The following PSMA5 variants were observed in gnomAD, a reference collection of about 807,000 sequenced individuals.
PSMA5 encodes the protein proteasome subunit alpha type-5.
In PSMA5, 3 loss-of-function variants were observed where a neutral mutation model predicts 34.5. That is an observed-to-expected ratio of 0.09 (90% CI 0.04 to 0.22). The LOEUF is 0.22. PSMA5 is among the 10% of genes least tolerant of loss of function. PSMA5 has a pLI of 1.00. For missense variants in PSMA5, 120 were observed against 286.1 expected, an observed-to-expected ratio of 0.42 and a Z score of 4.19; for synonymous variants, 88 against 95.8, an observed-to-expected ratio of 0.92 and a Z score of 0.47.
rs1653552451 is a variant in PSMA5 at position 109,402,030 on chromosome 1, C to A, written c.709G>T (p.Val237Phe). The A allele has an allele frequency of 6.2e-7, 1 of 1,611,170 alleles. No individual in the cohort carries two copies. Among genetic ancestry groups the A allele is most frequent in the Non-Finnish European group, 8.5e-7 (1 of 1,178,110 alleles). ...HMFTKEELEE[V>F]IKDI is the part of the protein sequence containing the mutation. Reference sequence around the variant, plus strand: ...AGGATTCCTTAAATGTCCTTGATAACCTCTTCAAGTTCTTCCTTTGTGAAC... The same window carrying A: ...AGGATTCCTTAAATGTCCTTGATAAACTCTTCAAGTTCTTCCTTTGTGAAC... Residue 237 changes from valine (V) to phenylalanine (F), a missense_variant, in exon 9 of 9, where the codon GTT (valine) becomes TTT (phenylalanine). Around this residue, in one of 3 missense-constraint regions of PSMA5, gnomAD observed 83 missense variants for 203.2 expected, o/e 0.41. Coordinates refer to ENST00000271308, the MANE Select transcript of PSMA5 (RefSeq NM_002790.4).
At chr1:109,424,849 T>C (rs2100977801) in intron 1 of PSMA5, among the ~76,000 whole-genome samples, 1 of 151,750 alleles carries the variant, frequency 6.6e-6, no homozygotes, top group Non-Finnish European at 1.5e-5. Flanking sequence ...TAGCTGGGAG[T>C]GGTGGCGCGC....
At chr1:109,412,405 GA>G (rs1480633551) in intron 4 of PSMA5, 3 of 463,516 alleles carry the variant, frequency 6.5e-6, no homozygotes. Context: ...ACGGACAAGA[GA>G]ATTACTGCCT....
intron 1 of PSMA5, 161 bp downstream of exon 1, chr1:109,426,140 TG>T: frequency 1.1e-6 from 1 of 900,726 alleles, no homozygotes; most frequent in Non-Finnish European, 1.8e-6. Flanking sequence ...TGGTCTAGCT[TG>T]GGGAAGGACG....
chr1:109,426,442 A>G lies in PSMA5; in HGVS notation c.-112T>C, dbSNP rs992545450. ...CACCCACACGGCCGCAGTACTAAGG[A>G]CCAACTGCGCGTGCGACCGCGACCT... On this transcript the variant is annotated 5_prime_UTR_variant, in exon 1 of 9. Coordinates refer to ENST00000271308, the MANE Select transcript of PSMA5 (RefSeq NM_002790.4). The G allele has an allele frequency of 9.5e-6, 13 of 1,374,354 alleles. No homozygotes were observed. In the African/African-American group the frequency reaches 1.1e-4, roughly 12 times the overall value. 85.1% of individuals were successfully genotyped at this position (1,374,354 alleles called of 1,614,324 possible). A position where few individuals can be genotyped will look rare whatever the true frequency, so the allele number is the denominator to read the frequency against.
intron 7 of PSMA5, 96 bp downstream of exon 7, chr1:109,410,915 C>G: frequency 1.1e-6 from 1 of 926,812 alleles, no homozygotes; most frequent in South Asian, 1.6e-5. Flanking sequence ...TTGCAATTGT[C>G]AAAACAGAAC....
chr1:109,422,565 T>C (rs912273404), intron 1 of PSMA5, among the ~76,000 whole-genome samples: 2 of 150,848 alleles, frequency 1.3e-5, no homozygotes, highest in Non-Finnish European at 2.9e-5. Flanking sequence ...CTCCGCCTCC[T>C]GGGTTCAAGC....
chr1:109,410,046 T>C, intron 7 of PSMA5, 32 bp from the exon 8 acceptor site: 1 of 1,359,334 alleles, frequency 7.4e-7, no homozygotes. Flanking sequence ...AGATGCCTAT[T>C]AATTATGCAC....
intron 7 of PSMA5, among the ~76,000 whole-genome samples, chr1:109,410,769 T>C (rs1653956201): frequency 6.6e-6 from 1 of 152,202 alleles, no homozygotes; most frequent in South Asian, 2.1e-4. Context: ...ATTCCATTTA[T>C]AACAAAGCAC....
chr1:109,410,339 A>C (rs931859273), intron 7 of PSMA5, among the ~76,000 whole-genome samples: 1 of 152,214 alleles, frequency 6.6e-6, no homozygotes, highest in Admixed American at 6.5e-5. Context: ...TATTATTGGT[A>C]ATATCCAATG....
chr1:109,405,277 G>A (rs933575363), intron 8 of PSMA5, among the ~76,000 whole-genome samples: 5 of 152,082 alleles, frequency 3.3e-5, no homozygotes, highest in African/African-American at 9.7e-5. Flanking sequence ...TAAGATTTTC[G>A]GAATAGGAAT....
chr1:109,407,277 A>C (rs907492244), intron 8 of PSMA5, among the ~76,000 whole-genome samples: 1 of 152,168 alleles, frequency 6.6e-6, no homozygotes, highest in African/African-American at 2.4e-5. Context: ...ATGAGCCACC[A>C]CGCCTGGCCG....
intron 2 of PSMA5, among the ~76,000 whole-genome samples, chr1:109,419,592 C>A (rs529720107): frequency 1.8e-4 from 27 of 152,154 alleles, no homozygotes; most frequent in African/African-American, 5.3e-4. Flanking sequence ...ATCACAGGGT[C>A]AGGAGTTCGA....
At chr1:109,422,637 T>A (rs1048288935) in intron 1 of PSMA5, among the ~76,000 whole-genome samples, 1 of 152,096 alleles carries the variant, frequency 6.6e-6, no homozygotes, top group Non-Finnish European at 1.5e-5. Flanking sequence ...CACGCCCGGC[T>A]AATTTTTGTA....
Position 109,411,130 on chromosome 1 carries a change from A to C in PSMA5, c.459-17T>G. On this transcript the variant is annotated splice_polypyrimidine_tract_variant and intron_variant, in intron 6 of 8. Coordinates refer to ENST00000271308, the MANE Select transcript of PSMA5 (RefSeq NM_002790.4). ...ATATGAAACCTGCAAAACCCCCAAA[A>C]TGAGGACTAAAATGCTCAGGAGTGG... 1 of 1,584,824 alleles carries C rather than the reference A, an allele frequency of 6.3e-7. No homozygotes were observed. The highest frequency in any genetic ancestry group is 8.7e-7 in the Non-Finnish European group (1 of 1,155,926).
chr1:109,420,482 T>C (rs1168267916), intron 2 of PSMA5, among the ~76,000 whole-genome samples: 1 of 152,230 alleles, frequency 6.6e-6, no homozygotes, highest in Non-Finnish European at 1.5e-5. Context: ...ACCTAGATGA[T>C]GCAGGCCTCA....
intron 3 of PSMA5, 80 bp from the exon 4 acceptor site, chr1:109,413,215 T>A: frequency 7.4e-7 from 1 of 1,356,468 alleles, no homozygotes; most frequent in Non-Finnish European, 1.1e-6. Flanking sequence ...CCTGAAATTC[T>A]GGATTGGAAC....
intron 8 of PSMA5, 82 bp from the exon 9 acceptor site, chr1:109,402,172 G>A (rs1264857952): frequency 2.1e-6 from 2 of 972,448 alleles, no homozygotes; most frequent in East Asian, 2.6e-5. Context: ...AAGCTGTGTT[G>A]GTGATGCAGC....
intron 1 of PSMA5, among the ~76,000 whole-genome samples, chr1:109,422,500 T>G (rs1309743996): frequency 1.6e-5 from 2 of 121,244 alleles, no homozygotes; most frequent in Non-Finnish European, 3.6e-5. Context: ...TTTTTTTTTT[T>G]GAGACAGAGT....
Position 109,426,372 on chromosome 1 carries a change from G to A in PSMA5, c.-42C>T, listed in dbSNP as rs1654663747. 3 of 1,612,208 alleles carry A rather than the reference G, an allele frequency of 1.9e-6. No individual in the cohort carries two copies. Among genetic ancestry groups the A allele is most frequent in the African/African-American group, 2.7e-5 (2 of 74,970 alleles). On this transcript the variant is annotated 5_prime_UTR_variant, in exon 1 of 9. Coordinates refer to ENST00000271308, the MANE Select transcript of PSMA5 (RefSeq NM_002790.4). ...GGCAGCGGCTACGCGGGGATTCTGA[G>A]GACCAACACGACTCCACCGGCACCC...
Sources: allele counts gnomAD v4.1 joint callset (sites outside exome capture counted in the v4.1 genomes callset), GRCh38; gene constraint gnomAD v4.1.1; regional missense constraint gnomAD v4.1.1; transcripts MANE v1.5; gene names NCBI Gene and HGNC (gene_info 2026-07-23, HGNC 2026-07-21).